The following AHCTF1 variants were observed in gnomAD, a reference collection of about 807,000 sequenced individuals.
AHCTF1 encodes AT-hook containing transcription factor 1.
A neutral mutation model predicts 248.4 loss-of-function variants in AHCTF1; 24 were observed. That is an observed-to-expected ratio of 0.10 (90% confidence interval 0.07 to 0.14). The LOEUF (loss-of-function observed/expected upper bound fraction) is 0.14. Among genes scored for constraint, AHCTF1 ranks in the 10% least tolerant of loss-of-function variants. AHCTF1 has a pLI of 1.00. For synonymous variants in AHCTF1, 786 were observed against 929.8 expected (o/e 0.85, Z 2.81); for missense variants, 2,206 against 2,636.2 (o/e 0.84, Z 3.57).
At chr1:246,865,478 C>T (rs1249511056) in intron 26 of AHCTF1, 1 of 152,218 alleles carries the variant, frequency 6.6e-6, no homozygotes, top group African/African-American at 2.4e-5. Context: ...TCCAATCAGG[C>T]TGCTAGACAT....
chr1:246,869,053 C>A (rs998575194), intron 24 of AHCTF1, among the ~76,000 whole-genome samples: 3 of 151,524 alleles, frequency 2.0e-5, no homozygotes, highest in Admixed American at 6.6e-5. Flanking sequence ...ACCATGTTGG[C>A]CAGGATGGTC....
rs1411408906 is a variant in AHCTF1, at chr1:246,850,094, G to C, written c.5912C>G (p.Pro1971Arg). The C allele has an allele frequency of 5.0e-6, 8 of 1,613,856 alleles. No homozygotes were observed. The Middle Eastern group carries it at 8.3e-4, about 167-fold the overall frequency. ...VQAEFDMSAIPRKRGRPRKIN... is the reference protein window; with the variant it reads ...VQAEFDMSAIRRKRGRPRKIN... ...TTTTCTTGGTCTACCACGTTTTCTA[G>C]GTATGGCAGACATATCAAATTCTGC... Residue 1971 changes from proline (P) to arginine (R), a missense_variant, in exon 33 of 36, where the codon CCT becomes CGT. This residue lies in a region of AHCTF1 where 469 missense variants were observed against 470.0 expected (regional missense o/e 1.00). Coordinates refer to ENST00000648844, the MANE Select transcript of AHCTF1 (RefSeq NM_001323342.2).
In AHCTF1 at chr1:246,868,939, G is replaced by A. The variant is rs923962681; in HGVS notation, c.3089-1128C>T. 2.2e-4 allele frequency among the ~76,000 whole-genome samples: 33 copies of A among 150,518 alleles called. No individual in the cohort carries two copies. In the East Asian group the frequency reaches 2.3e-3, roughly 11 times the overall value. ...GGCTCACTGCAAGTTCTGCCTCCCGGGTTCACGCCATTCTCCTGCCTCAGC... is the reference window on the plus strand; with the variant it reads ...GGCTCACTGCAAGTTCTGCCTCCCGAGTTCACGCCATTCTCCTGCCTCAGC... On this transcript the variant is annotated intron_variant, in intron 24 of 35. Transcript: ENST00000648844.
chr1:246,913,260 T>A lies in AHCTF1; in HGVS notation c.528A>T (p.Ser176=). 1 of 1,610,262 alleles carries A rather than the reference T, an allele frequency of 6.2e-7. No individual in the cohort carries two copies. The highest frequency in any genetic ancestry group is 8.5e-7 in the Non-Finnish European group (1 of 1,177,980). Reference sequence around the variant, plus strand: ...ATGCTTCAACTTCATTTTGATTGCATGACAAGTCATCCAAACATAGGTCAA... The same window carrying A: ...ATGCTTCAACTTCATTTTGATTGCAAGACAAGTCATCCAAACATAGGTCAA... ...LLVDLCLDDL[S]CNQNEVEASD... The change falls in exon 4 of 36, where the codon TCA becomes TCT. Residue 176 remains serine (S), a synonymous_variant. Coordinates refer to ENST00000648844, the MANE Select transcript of AHCTF1 (RefSeq NM_001323342.2).
At chr1:246,869,309 T>C (rs1409387264) in intron 24 of AHCTF1, among the ~76,000 whole-genome samples, 1 of 152,034 alleles carries the variant, frequency 6.6e-6, no homozygotes. Context: ...ACTGACAATA[T>C]CCAAAGCCAA....
chr1:246,867,156 G>A, intron 26 of AHCTF1, 88 bp downstream of exon 26: 3 of 670,762 alleles, frequency 4.5e-6, no homozygotes, highest in Non-Finnish European at 7.2e-6. Context: ...TAATTTAAAA[G>A]TCTATAAAAT....
chr1:246,866,230 G>A (rs1414483090), intron 26 of AHCTF1, among the ~76,000 whole-genome samples: 1 of 152,016 alleles, frequency 6.6e-6, no homozygotes, highest in African/African-American at 2.4e-5. Flanking sequence ...AAGGGCCTCA[G>A]GCCATTAATC....
chr1:246,874,709 G>T (rs1657842956), intron 24 of AHCTF1, among the ~76,000 whole-genome samples: 1 of 152,036 alleles, frequency 6.6e-6, no homozygotes, highest in African/African-American at 2.4e-5. Flanking sequence ...TACAATACCA[G>T]CCATTACAAC....
At chr1:246,931,151 T>C (rs1456741354) in intron 1 of AHCTF1, 2 of 1,549,934 alleles carry the variant, frequency 1.3e-6, no homozygotes, top group African/African-American at 2.7e-5. Context: ...CAAGCGCATG[T>C]GGAACACACG....
At chr1:246,892,527 G>C (rs1664283693) in intron 14 of AHCTF1, among the ~76,000 whole-genome samples, 1 of 151,846 alleles carries the variant, frequency 6.6e-6, no homozygotes, top group Non-Finnish European at 1.5e-5. Context: ...CACCATGTTG[G>C]CCAGGCTGGC....
intron 1 of AHCTF1, among the ~76,000 whole-genome samples, chr1:246,922,759 G>T (rs1272069677): frequency 1.3e-5 from 2 of 151,428 alleles, no homozygotes; most frequent in South Asian, 2.1e-4. Context: ...AAGGAGGGCG[G>T]ATCACGAGGT....
chr1:246,863,258 A>G (rs1661708505), intron 27 of AHCTF1, among the ~76,000 whole-genome samples: 1 of 152,188 alleles, frequency 6.6e-6, no homozygotes, highest in African/African-American at 2.4e-5. Context: ...GCTTCACTAT[A>G]AATGCTGGAT....
intron 5 of AHCTF1, among the ~76,000 whole-genome samples, chr1:246,907,009 G>C (rs752649856): frequency 6.6e-6 from 1 of 152,088 alleles, no homozygotes; most frequent in Non-Finnish European, 1.5e-5. Context: ...AGAAATGCTC[G>C]TCAGGGATTC....
At chr1:246,848,533 T>C (rs183221658) in intron 33 of AHCTF1, among the ~76,000 whole-genome samples, 3 of 151,280 alleles carry the variant, frequency 2.0e-5, no homozygotes, top group Non-Finnish European at 4.4e-5. Flanking sequence ...GGTCCTGAAC[T>C]GCTTTGCTGA....
intron 8 of AHCTF1, 150 bp from the exon 9 acceptor site, chr1:246,900,619 T>C: frequency 1.2e-6 from 1 of 862,762 alleles, no homozygotes; most frequent in African/African-American, 1.8e-5. Context: ...CATTTGTATG[T>C]AAGACCAGAT....
rs147981044 is a variant in AHCTF1, at chr1:246,850,807, G to A, written c.5199C>T (p.Asp1733=). ...TMTMNVSQVD[D]VVSSKTRTRG... ...TCGTACGAGTTTTGGAGGAAACCAC[G>A]TCATCAACCTGGCTGACATTCATAG... is the stretch of plus-strand genomic sequence containing the variant. Residue 1733 remains aspartate, a synonymous_variant, in exon 33 of 36, where the codon GAC becomes GAT. Coordinates refer to ENST00000648844, the MANE Select transcript of AHCTF1 (RefSeq NM_001323342.2). 1.2e-3 allele frequency: 1,889 copies of A among 1,613,750 alleles called. 24 individuals are homozygous for A. In the African/African-American group the frequency reaches 0.021, roughly 18 times the overall value.
At chr1:246,844,002 G>A in intron 33 of AHCTF1, 74 bp from the exon 34 acceptor site, 3 of 1,076,700 alleles carry the variant, frequency 2.8e-6, no homozygotes, top group Non-Finnish European at 3.7e-6. Flanking sequence ...TAAAAACCTG[G>A]AACAAATTAT....
At chr1:246,899,768 G>A (rs950306864) in intron 10 of AHCTF1, among the ~76,000 whole-genome samples, 1 of 151,874 alleles carries the variant, frequency 6.6e-6, no homozygotes, top group Non-Finnish European at 1.5e-5. Context: ...AAAAATAAAA[G>A]CTACTATAAA....
At chr1:246,848,268 C>G (rs1176682926) in intron 33 of AHCTF1, among the ~76,000 whole-genome samples, 1 of 152,010 alleles carries the variant, frequency 6.6e-6, no homozygotes, top group African/African-American at 2.4e-5. Context: ...GGCTGGAATA[C>G]AGTGGCACAA....
Sources: allele counts gnomAD v4.1 joint callset (sites outside exome capture counted in the v4.1 genomes callset), GRCh38; gene constraint gnomAD v4.1.1; regional missense constraint gnomAD v4.1.1; transcripts MANE v1.5; gene names NCBI Gene and HGNC (gene_info 2026-07-23, HGNC 2026-07-21).